The following ARHGEF28 variants were observed in gnomAD, a reference collection of about 807,000 sequenced individuals.
ARHGEF28 encodes the protein 190 kDa guanine nucleotide exchange factor.
A neutral mutation model predicts 206.6 loss-of-function variants in ARHGEF28; 152 were observed. The observed-to-expected ratio is 0.74, with a 90% CI of 0.64 to 0.84. The LOEUF (loss-of-function observed/expected upper bound fraction) is 0.84, where lower values mean the gene tolerates loss of function less well. ARHGEF28 is among the 40% of genes least tolerant of loss of function. The pLI, the probability that ARHGEF28 is intolerant of heterozygous loss-of-function variation, is 0.00. For missense variants in ARHGEF28, 2,028 were observed against 2,073.2 expected, an observed-to-expected ratio of 0.98 and a Z score of 0.42; for synonymous variants, 763 against 776.4, an observed-to-expected ratio of 0.98 and a Z score of 0.29.
At chr5:73,709,544 C>T (rs1261275263) in intron 2 of ARHGEF28, among the ~76,000 whole-genome samples, 1 of 152,042 alleles carries the variant, frequency 6.6e-6, no homozygotes, top group Non-Finnish European at 1.5e-5. Flanking sequence ...CTTCTAAAGC[C>T]CTTCATATTT....
In ARHGEF28 at chr5:73,882,503, AAATATATGGAG is replaced by A. The variant is rs1561483079; in HGVS notation, c.2850_2860del (p.Tyr951LeufsTer5). On this transcript the variant is annotated frameshift_variant, in exon 23 of 36. Transcript: ENST00000513042. LOFTEE classifies it high-confidence loss of function. ...GAAGAAAATGCAAGTAAAATGAAGA[AAATATATGGAG>A]AATTCTGTTGCCATCATAAAGAAGC... The A allele has an allele frequency of 6.8e-7, 1 of 1,471,540 alleles. No individual in the cohort carries two copies. Among genetic ancestry groups the A allele is most frequent in the Admixed American group, 2.5e-5 (1 of 40,146 alleles). The allele number at this position is 1,471,540 out of a possible 1,614,324, so 91.2% of individuals were successfully genotyped here.
chr5:73,763,233 C>T (rs1007779991), intron 4 of ARHGEF28, among the ~76,000 whole-genome samples: 2 of 152,186 alleles, frequency 1.3e-5, no homozygotes, highest in Non-Finnish European at 2.9e-5. Flanking sequence ...ATTTACCTTC[C>T]TCTTCTAGTC....
chr5:73,643,890 T>A (rs776852642), intron 1 of ARHGEF28, among the ~76,000 whole-genome samples: 1 of 152,166 alleles, frequency 6.6e-6, no homozygotes, highest in Admixed American at 6.5e-5. Flanking sequence ...AGATTATCAC[T>A]GGAAATATCT....
At chr5:73,633,726 G>A (rs1270326238) in intron 1 of ARHGEF28, among the ~76,000 whole-genome samples, 1 of 151,850 alleles carries the variant, frequency 6.6e-6, no homozygotes, top group East Asian at 1.9e-4. Context: ...AGGGGTGCAT[G>A]CCACCATGCC....
chr5:73,712,653 G>A (rs1749320549), intron 2 of ARHGEF28, among the ~76,000 whole-genome samples: 1 of 152,182 alleles, frequency 6.6e-6, no homozygotes. Flanking sequence ...TGAAAAATAA[G>A]TATTTGGAAC....
chr5:73,812,183 C>T (rs1438639888), intron 9 of ARHGEF28, among the ~76,000 whole-genome samples: 1 of 152,148 alleles, frequency 6.6e-6, no homozygotes, highest in Non-Finnish European at 1.5e-5. Context: ...CCTTTCTCCT[C>T]TTCTCCCTGT....
intron 27 of ARHGEF28, 128 bp downstream of exon 27, chr5:73,892,358 G>A (rs967306347): frequency 1.5e-5 from 14 of 963,500 alleles, no homozygotes; most frequent in Non-Finnish European, 2.1e-5. Flanking sequence ...CCCTGCACCT[G>A]CCTGCGATAG....
At position 73,909,542 on chromosome 5, in the gene ARHGEF28, A is replaced by G. The variant is rs572242968; in HGVS notation, c.4292A>G (p.Asp1431Gly). 2 of 1,588,386 alleles carry G rather than the reference A, an allele frequency of 1.3e-6. No homozygotes were observed. Among genetic ancestry groups the G allele is most frequent in the East Asian group, 2.3e-5 (1 of 43,578 alleles). The change falls in exon 34 of 36, where the codon GAC (aspartate) becomes GGC (glycine). Residue 1431 changes from aspartate to glycine, a missense_variant. Around this residue, in one of 3 missense-constraint regions of ARHGEF28, gnomAD observed 803 missense variants for 768.0 expected, o/e 1.05. Coordinates refer to ENST00000513042, the MANE Select transcript of ARHGEF28 (RefSeq NM_001177693.2). ...CAGGACCAGAAGTCTCGCGACGCGG[A>G]CAGGCAGCATGAGGAGCTGGCCAAT... ...PLQDQKSRDA[D>G]RQHEELANVH...
chr5:73,686,130 G>T (rs1276869825), intron 2 of ARHGEF28, among the ~76,000 whole-genome samples: 2 of 152,008 alleles, frequency 1.3e-5, no homozygotes, highest in Non-Finnish European at 2.9e-5. Context: ...GTGATCTCTA[G>T]TACTCTCTCT....
At chr5:73,687,821 C>T (rs1378093895) in intron 2 of ARHGEF28, among the ~76,000 whole-genome samples, 2 of 151,962 alleles carry the variant, frequency 1.3e-5, no homozygotes, top group East Asian at 1.9e-4. Context: ...GAATGATAAG[C>T]TCTGTTGACA....
At chr5:73,646,925 A>G in intron 1 of ARHGEF28, among the ~76,000 whole-genome samples, 1 of 151,920 alleles carries the variant, frequency 6.6e-6, no homozygotes, top group East Asian at 1.9e-4. Context: ...CTAGGACATT[A>G]TGCTTATTGG....
intron 9 of ARHGEF28, chr5:73,813,706 G>T: frequency 6.6e-7 from 1 of 1,522,264 alleles, no homozygotes; most frequent in Non-Finnish European, 8.8e-7. Flanking sequence ...TCCTTCACGG[G>T]CAAAACCAGA....
At chr5:73,795,463 G>C (rs1373387326) in intron 9 of ARHGEF28, 72 bp downstream of exon 9, 3 of 1,324,854 alleles carry the variant, frequency 2.3e-6, no homozygotes, top group Non-Finnish European at 3.2e-6. Flanking sequence ...CAAGAAGCAA[G>C]TAAATTTTAA....
At chr5:73,815,747 G>A (rs1175725322) in intron 9 of ARHGEF28, among the ~76,000 whole-genome samples, 2 of 152,192 alleles carry the variant, frequency 1.3e-5, no homozygotes, top group African/African-American at 4.8e-5. Context: ...ATCCAAAGTT[G>A]AAGCATGGCC....
intron 2 of ARHGEF28, among the ~76,000 whole-genome samples, chr5:73,742,499 A>G (rs1751491018): frequency 6.6e-6 from 1 of 151,914 alleles, no homozygotes; most frequent in South Asian, 2.1e-4. Flanking sequence ...TCAAGTCAAA[A>G]TATGTATATT....
At chr5:73,786,056 CAAA>C (rs61560155) in intron 7 of ARHGEF28, among the ~76,000 whole-genome samples, 8 of 76,438 alleles carry the variant, frequency 1.0e-4, no homozygotes, top group East Asian at 3.3e-4. Context: ...TGGCAGTAAC[CAAA>C]AAAAAAAAAA....
At chr5:73,705,778 TA>T (rs567896040) in intron 2 of ARHGEF28, among the ~76,000 whole-genome samples, 30 of 152,328 alleles carry the variant, frequency 2.0e-4, no homozygotes, top group African/African-American at 7.0e-4. Context: ...TGGACTCTCC[TA>T]GGTGTTTGAA....
At chr5:73,654,952 C>G (rs1374297009) in intron 1 of ARHGEF28, among the ~76,000 whole-genome samples, 1 of 152,184 alleles carries the variant, frequency 6.6e-6, no homozygotes, top group Non-Finnish European at 1.5e-5. Flanking sequence ...TTGGCATGTT[C>G]TGAGCCAGGA....
rs56160198 is a variant in ARHGEF28, at chr5:73,703,647, T to TTGTGTGTGTGTGTGTG, written c.33+18775_33+18790dup. ...AATTTCTACTTATCCTTTCCCAGCA[T>TTGTGTGTGTGTGTGTG]TGTGTGTGTGTGTGTGTGTGTGTGT... On this transcript the variant is annotated intron_variant, in intron 2 of 35. Coordinates refer to ENST00000513042, the MANE Select transcript of ARHGEF28 (RefSeq NM_001177693.2). Among the ~76,000 whole-genome samples the TTGTGTGTGTGTGTGTG allele has an allele frequency of 3.6e-3, 507 of 139,696 alleles. 5 individuals are homozygous for TTGTGTGTGTGTGTGTG. Among genetic ancestry groups the TTGTGTGTGTGTGTGTG allele is most frequent in the African/African-American group, 0.012 (485 of 39,730 alleles). 91.6% of individuals were successfully genotyped at this position (139,696 alleles called of 152,430 possible).
Sources: gnomAD v4.1 joint callset for allele counts (sites outside exome capture counted in the v4.1 genomes callset) on GRCh38, gnomAD v4.1.1 for gene constraint, gnomAD v4.1.1 regional missense constraint, MANE v1.5 for transcripts, NCBI Gene and HGNC (gene_info 2026-07-23, HGNC 2026-07-21) for gene names.